STEAP1B: variants seen among roughly 807,000 people sequenced by gnomAD.
The protein encoded by STEAP1B is STEAP family protein MGC87042.
In STEAP1B, 13 loss-of-function variants were observed where a neutral mutation model predicts 27.9. That is an observed-to-expected ratio of 0.47 (90% CI 0.30 to 0.74). The LOEUF (loss-of-function observed/expected upper bound fraction) is 0.74, where lower values mean the gene tolerates loss of function less well. Ranked by LOEUF, STEAP1B falls within the 30% of genes least tolerant of loss-of-function variation. The pLI, the probability that STEAP1B is intolerant of heterozygous loss-of-function variation, is 0.06. For missense variants in STEAP1B, 250 were observed against 298.7 expected (o/e 0.84, Z 1.20); for synonymous variants, 86 against 107.1 (o/e 0.80, Z 1.22).
chr7:22,498,214 C>T (rs1786475309), intron 1 of STEAP1B, among the ~76,000 whole-genome samples: 1 of 152,020 alleles, frequency 6.6e-6, no homozygotes, highest in African/African-American at 2.4e-5. Context: ...GGTTGGGGAC[C>T]CCTGCACTAA....
chr7:22,465,125 G>A (rs1225308200), intron 4 of STEAP1B, among the ~76,000 whole-genome samples: 1 of 151,290 alleles, frequency 6.6e-6, no homozygotes, highest in African/African-American at 2.4e-5. Context: ...CACCCAGACG[G>A]CTACGAGGCC....
At chr7:22,429,781 G>T (rs1458515588) in intron 4 of STEAP1B, among the ~76,000 whole-genome samples, 2 of 152,082 alleles carry the variant, frequency 1.3e-5, no homozygotes, top group Non-Finnish European at 2.9e-5. Flanking sequence ...CATGGATGGG[G>T]GAAAAGACTG....
chr7:22,499,612 A>T (rs1481903256), intron 1 of STEAP1B, among the ~76,000 whole-genome samples: 1 of 152,154 alleles, frequency 6.6e-6, no homozygotes, highest in Admixed American at 6.5e-5. Flanking sequence ...ACTATTTTGG[A>T]GGGAACCTGA....
At chr7:22,482,751 G>C (rs1335945508) in intron 4 of STEAP1B, among the ~76,000 whole-genome samples, 1 of 152,202 alleles carries the variant, frequency 6.6e-6, no homozygotes, top group African/African-American at 2.4e-5. Context: ...TATTCAATCA[G>C]AGTGGGGCCT....
Position 22,494,341 on chromosome 7 carries a change from A to AT in STEAP1B, c.84+430dup, listed in dbSNP as rs545335623. On this transcript the variant is annotated intron_variant, in intron 2 of 4. Transcript: ENST00000678116. The stretch of plus-strand genomic sequence containing the variant: ...TATTTGGTTATACAGTGAATCGTCA[A>AT]TTTACTAGATGATCTCTTGGTAAGC... Among the ~76,000 whole-genome samples the AT allele has an allele frequency of 4.9e-3, 739 of 152,196 alleles. 7 individuals are homozygous for AT. Among genetic ancestry groups the AT allele is most frequent in the African/African-American group, 0.017 (712 of 41,524 alleles).
At chr7:22,462,204 T>G (rs903535096) in intron 4 of STEAP1B, among the ~76,000 whole-genome samples, 2 of 152,210 alleles carry the variant, frequency 1.3e-5, no homozygotes, top group South Asian at 2.1e-4. Flanking sequence ...GATTTGCCTA[T>G]GATTTTTCTT....
intron 1 of STEAP1B, among the ~76,000 whole-genome samples, chr7:22,499,773 T>C (rs1362018928): frequency 3.9e-5 from 6 of 152,242 alleles, no homozygotes; most frequent in Non-Finnish European, 7.3e-5. Context: ...CTGGCGACTT[T>C]GCCACGTTAA....
chr7:22,493,791 A>G lies in STEAP1B; in HGVS notation c.130T>C (p.Leu44=), dbSNP rs753672478. Reference sequence around the variant, plus strand: ...GCATGGGCTGTTTGCTGCAAATGCAAAAGCACAGGTCTTTTTAGCATGCTG... The same window carrying G: ...GCATGGGCTGTTTGCTGCAAATGCAGAAGCACAGGTCTTTTTAGCATGCTG... The part of the protein sequence containing the change: ...ETSMLKRPVL[L]HLQQTAHADE... Residue 44 remains leucine, a synonymous_variant, in exon 3 of 5, where the codon TTG becomes CTG. Transcript: ENST00000678116. 3.1e-6 allele frequency: 5 copies of G among 1,613,370 alleles called. No homozygotes were observed. The highest frequency in any genetic ancestry group is 4.2e-6 in the Non-Finnish European group (5 of 1,179,702).
At chr7:22,491,906 T>C (rs1786329292) in intron 4 of STEAP1B, among the ~76,000 whole-genome samples, 1 of 152,178 alleles carries the variant, frequency 6.6e-6, no homozygotes, top group Non-Finnish European at 1.5e-5. Context: ...TGAGGATGTT[T>C]AGAAGACCAA....
intron 4 of STEAP1B, among the ~76,000 whole-genome samples, chr7:22,486,819 G>T (rs1786217629): frequency 6.6e-6 from 1 of 151,980 alleles, no homozygotes; most frequent in African/African-American, 2.4e-5. Flanking sequence ...CTTCCTGGTG[G>T]ATCCTGTTTC....
At chr7:22,461,012 C>G (rs1583642322) in intron 4 of STEAP1B, among the ~76,000 whole-genome samples, 1 of 152,164 alleles carries the variant, frequency 6.6e-6, no homozygotes, top group Non-Finnish European at 1.5e-5. Flanking sequence ...ATAAATGACA[C>G]AGGAGGCCCA....
At chr7:22,434,527 A>T (rs1230116876) in intron 4 of STEAP1B, among the ~76,000 whole-genome samples, 1 of 151,896 alleles carries the variant, frequency 6.6e-6, no homozygotes, top group Admixed American at 6.6e-5. Flanking sequence ...AGAATAGGTA[A>T]AAAAAAATTG....
chr7:22,440,920 G>T (rs1315719099), intron 4 of STEAP1B, among the ~76,000 whole-genome samples: 2 of 150,420 alleles, frequency 1.3e-5, no homozygotes, highest in African/African-American at 4.9e-5. Context: ...TTTAAAAATT[G>T]TGCTTTAATA....
chr7:22,483,560 C>T (rs1236384539), intron 4 of STEAP1B, among the ~76,000 whole-genome samples: 1 of 152,198 alleles, frequency 6.6e-6, no homozygotes, highest in Non-Finnish European at 1.5e-5. Context: ...ATTTTCTCAA[C>T]AACATGTGCT....
At chr7:22,419,859 G>A (rs1284945465) in intron 4 of STEAP1B, 23 bp from the exon 5 acceptor site, 5 of 1,548,650 alleles carry the variant, frequency 3.2e-6, no homozygotes, top group Admixed American at 2.0e-5. Context: ...CAGCAAGAAA[G>A]AGTTGATGTA....
At chr7:22,492,788 A>G in intron 3 of STEAP1B, 59 bp from the exon 4 acceptor site, 1 of 1,547,712 alleles carries the variant, frequency 6.5e-7, no homozygotes, top group African/African-American at 1.4e-5. Context: ...CCTGAATGTG[A>G]ATCTCCTTCT....
chr7:22,443,828 GC>G (rs1478763942), intron 4 of STEAP1B, among the ~76,000 whole-genome samples: 3 of 152,164 alleles, frequency 2.0e-5, no homozygotes, highest in African/African-American at 7.2e-5. Flanking sequence ...CTCGGCTGGA[GC>G]CACCAGGACT....
Position 22,419,832 on chromosome 7 carries a change from T to C in STEAP1B, c.767A>G (p.His256Arg), listed in dbSNP as rs368014125. 310 of 1,550,054 alleles carry C rather than the reference T, an allele frequency of 2.0e-4. No homozygotes were observed. The African/African-American group carries it at 3.7e-3, about 19-fold the overall frequency. The change falls in exon 5 of 5, where the codon CAT (histidine) becomes CGT (arginine). Residue 256 changes from histidine (H) to arginine (R), a missense_variant. Physicochemically the swap from His to Arg is conservative, Grantham distance 29. Coordinates refer to ENST00000678116, the MANE Select transcript of STEAP1B (RefSeq NM_001382447.1). Reference sequence around the variant, plus strand: ...CAAGGTCAGGAAGTTGATCCTACCATGTACCTGGAAGGCAGACAGCAAGAA... The same window carrying C: ...CAAGGTCAGGAAGTTGATCCTACCACGTACCTGGAAGGCAGACAGCAAGAA... Reference protein sequence around the residue: ...TWREFHYIQVHGRINFLTL With the variant: ...TWREFHYIQVRGRINFLTL
At position 22,496,655 on chromosome 7, in the gene STEAP1B, T is replaced by C. The variant is rs980841764; in HGVS notation, c.-31-1769A>G. Among the ~76,000 whole-genome samples the C allele has an allele frequency of 2.9e-4, 44 of 152,234 alleles. 1 individual carries two copies. Among genetic ancestry groups the C allele is most frequent in the East Asian group, 5.8e-4 (3 of 5,204 alleles). ...GCCCACAGTATTCAGCACGGTAACA[T>C]GCTATACAGATTAGCAGCCTAGGAG... On this transcript the variant is annotated intron_variant, in intron 1 of 4. Coordinates refer to ENST00000678116, the MANE Select transcript of STEAP1B (RefSeq NM_001382447.1).
Sources: gnomAD v4.1 joint callset for allele counts (sites outside exome capture counted in the v4.1 genomes callset) on GRCh38, gnomAD v4.1.1 for gene constraint, MANE v1.5 for transcripts, NCBI Gene and HGNC (gene_info 2026-07-23, HGNC 2026-07-21) for gene names.